Variants in EPB41L2 observed in about 807,000 individuals in gnomAD.
EPB41L2 encodes band 4.1-like protein 2.
A neutral mutation model predicts 113.0 loss-of-function variants in EPB41L2; 43 were observed. The observed-to-expected ratio is 0.38, with a 90% confidence interval of 0.30 to 0.49. EPB41L2 has a LOEUF of 0.49. Ranked by LOEUF, EPB41L2 falls within the 20% of genes least tolerant of loss-of-function variation. EPB41L2 has a pLI of 0.95. For missense variants in EPB41L2, 1,147 were observed against 1,223.4 expected, an observed-to-expected ratio of 0.94 and a Z score of 0.93; for synonymous variants, 442 against 436.7, an observed-to-expected ratio of 1.01 and a Z score of -0.15.
At chr6:130,926,906 T>C (rs1804937450) in intron 3 of EPB41L2, among the ~76,000 whole-genome samples, 197 bp from the exon 4 acceptor site, 1 of 152,142 alleles carries the variant, frequency 6.6e-6, no homozygotes, top group African/African-American at 2.4e-5. Context: ...AAGCATAAAA[T>C]CTGAAACAAA....
chr6:130,932,346 A>C (rs1047237364), intron 3 of EPB41L2, among the ~76,000 whole-genome samples: 2 of 151,964 alleles, frequency 1.3e-5, no homozygotes, highest in Admixed American at 6.6e-5. Context: ...AACAACTTGA[A>C]TTCTACTGTA....
intron 1 of EPB41L2, among the ~76,000 whole-genome samples, chr6:130,985,835 C>A (rs1177627087): frequency 6.6e-6 from 1 of 152,112 alleles, no homozygotes; most frequent in East Asian, 1.9e-4. Context: ...TTTTTGGTAG[C>A]AGCTTGGAGA....
intron 4 of EPB41L2, among the ~76,000 whole-genome samples, chr6:130,909,631 A>G (rs1005526483): frequency 8.5e-5 from 13 of 152,320 alleles, no homozygotes; most frequent in African/African-American, 3.1e-4. Context: ...GTATATTTAG[A>G]AAACCCCATT....
At chr6:130,901,240 T>A in intron 6 of EPB41L2, 60 bp from the exon 7 acceptor site, 1 of 1,474,414 alleles carries the variant, frequency 6.8e-7, no homozygotes, top group Non-Finnish European at 9.4e-7. Context: ...ATTGGAGCAC[T>A]CACAGTCCTT....
chr6:130,951,082 C>T (rs1442206976), intron 3 of EPB41L2, among the ~76,000 whole-genome samples: 2 of 151,746 alleles, frequency 1.3e-5, no homozygotes, highest in Non-Finnish European at 2.9e-5. Flanking sequence ...TGTGGTGAAA[C>T]CCCGTCTCTA....
chr6:130,993,997 G>T (rs188427076), intron 1 of EPB41L2, among the ~76,000 whole-genome samples: 55 of 152,208 alleles, frequency 3.6e-4, no homozygotes, highest in Non-Finnish European at 6.5e-4. Flanking sequence ...ACAGTATACC[G>T]GGAATAAAAC....
chr6:130,852,356 G>C (rs917398727), intron 19 of EPB41L2, among the ~76,000 whole-genome samples: 2 of 152,118 alleles, frequency 1.3e-5, no homozygotes, highest in Non-Finnish European at 2.9e-5. Context: ...TATAAGATGG[G>C]GCCTTATAGA....
chr6:130,981,499 A>G (rs1448214131), intron 1 of EPB41L2, among the ~76,000 whole-genome samples: 1 of 152,214 alleles, frequency 6.6e-6, no homozygotes, highest in African/African-American at 2.4e-5. Flanking sequence ...CCATAAGAAT[A>G]TGTGAAAGGT....
At chr6:130,848,189 TCTCTCTCTCTCACACACA>T (rs1368589126) in intron 19 of EPB41L2, among the ~76,000 whole-genome samples, 13 of 113,306 alleles carry the variant, frequency 1.1e-4, no homozygotes, top group Admixed American at 9.5e-4. Context: ...TCTGTCTCTC[TCTCTCTCTCTCACACACA>T]CACACACACA....
At chr6:131,054,623 G>C (rs1172007060) in intron 1 of EPB41L2, among the ~76,000 whole-genome samples, 1 of 152,206 alleles carries the variant, frequency 6.6e-6, no homozygotes, top group Admixed American at 6.5e-5. Context: ...GCCACTTGTG[G>C]CACATTGCCA....
rs1395962449 is a variant in EPB41L2 at position 130,840,587 on chromosome 6, A to G, written c.*17T>C. Reference sequence around the variant, plus strand: ...GGTTCACAAAGTTGAGTGTTGTTTAAAAAATGACTTTCTAGAAGAGAAAAA... The same window carrying G: ...GGTTCACAAAGTTGAGTGTTGTTTAGAAAATGACTTTCTAGAAGAGAAAAA... On this transcript the variant is annotated 3_prime_UTR_variant, in exon 20 of 20. Coordinates refer to ENST00000337057, the MANE Select transcript of EPB41L2 (RefSeq NM_001431.4). The G allele has an allele frequency of 6.6e-5, 10 of 151,310 alleles. No homozygotes were observed. The highest frequency in any genetic ancestry group is 6.6e-4 in the Admixed American group (10 of 15,184). 9.4% of individuals were successfully genotyped at this position (151,310 alleles called of 1,614,324 possible). A position where few individuals can be genotyped will look rare whatever the true frequency, so the allele number is the denominator to read the frequency against.
chr6:130,939,575 A>G (rs73617201), intron 3 of EPB41L2, among the ~76,000 whole-genome samples: 2,624 of 152,218 alleles, frequency 0.017, 85 homozygotes, highest in African/African-American at 0.059. Context: ...TTTTAAGGAG[A>G]AAAGCATTTC....
intron 3 of EPB41L2, among the ~76,000 whole-genome samples, chr6:130,927,962 G>C (rs1019593420): frequency 1.3e-5 from 2 of 151,986 alleles, no homozygotes; most frequent in South Asian, 4.1e-4. Flanking sequence ...GTGTGGTGGC[G>C]TGTGCTTGTA....
intron 10 of EPB41L2, among the ~76,000 whole-genome samples, chr6:130,893,439 A>G (rs1431649557): frequency 6.6e-6 from 1 of 152,194 alleles, no homozygotes; most frequent in Non-Finnish European, 1.5e-5. Context: ...TTCTTCTTTC[A>G]GTGACCCACA....
At chr6:130,916,796 T>C (rs1183129459) in intron 4 of EPB41L2, among the ~76,000 whole-genome samples, 1 of 152,242 alleles carries the variant, frequency 6.6e-6, no homozygotes, top group Non-Finnish European at 1.5e-5. Flanking sequence ...GTTCTTCATT[T>C]CTAAGAAGCT....
At chr6:131,024,449 T>G (rs142658333) in intron 1 of EPB41L2, among the ~76,000 whole-genome samples, 2 of 152,004 alleles carry the variant, frequency 1.3e-5, no homozygotes, top group Non-Finnish European at 2.9e-5. Context: ...TTCCCAAAAC[T>G]AAGCATCTCT....
At chr6:130,852,067 T>C (rs990204911) in intron 19 of EPB41L2, among the ~76,000 whole-genome samples, 1 of 152,216 alleles carries the variant, frequency 6.6e-6, no homozygotes, top group African/African-American at 2.4e-5. Flanking sequence ...TCATTATCTC[T>C]GGGGTAGAAA....
At chr6:130,992,574 G>A (rs994268526) in intron 1 of EPB41L2, among the ~76,000 whole-genome samples, 2 of 151,844 alleles carry the variant, frequency 1.3e-5, no homozygotes, top group African/African-American at 2.4e-5. Flanking sequence ...CTCTCTATGG[G>A]GACTCGCTTT....
chr6:130,865,545 G>C lies in EPB41L2; in HGVS notation c.2820C>G (p.His940Gln), dbSNP rs1783469291. ...SESVSTTTTT[H>Q]ITKTVKGGIS... ...CCCTGCATTGCTTTACCTTGGTGAT[G>C]TGTGTGGTTGTCGTTGTTGACACGG... Residue 940 changes from histidine to glutamine, a missense_variant, in exon 17 of 20, where the codon CAC (histidine) becomes CAG (glutamine). By Grantham distance (24) the His-to-Gln change is conservative. Transcript: ENST00000337057. The C allele has an allele frequency of 6.2e-7, 1 of 1,613,986 alleles. No homozygotes were observed. The highest frequency in any genetic ancestry group is 1.7e-5 in the Admixed American group (1 of 60,008).
Sources: gnomAD v4.1 joint callset for allele counts (sites outside exome capture counted in the v4.1 genomes callset) on GRCh38, gnomAD v4.1.1 for gene constraint, MANE v1.5 for transcripts, NCBI Gene and HGNC (gene_info 2026-07-23, HGNC 2026-07-21) for gene names.